The following GOLGA4 variants were observed in gnomAD, a reference collection of about 807,000 sequenced individuals.
GOLGA4 encodes golgin A4, also known as golgin subfamily A member 4.
A neutral mutation model predicts 265.9 loss-of-function variants in GOLGA4; 169 were observed. That is an observed-to-expected ratio of 0.64 (90% CI 0.56 to 0.72). The LOEUF is 0.72. Among genes scored for constraint, GOLGA4 ranks in the 30% least tolerant of loss-of-function variants. The pLI, the probability that GOLGA4 is intolerant of heterozygous loss-of-function variation, is 0.00. For missense variants in GOLGA4, 2,482 were observed against 2,483.4 expected (o/e 1.00, Z 0.01); for synonymous variants, 923 against 855.8 (o/e 1.08, Z -1.37).
intron 1 of GOLGA4, among the ~76,000 whole-genome samples, chr3:37,251,006 A>C (rs1215975598): frequency 6.6e-6 from 1 of 152,028 alleles, no homozygotes; most frequent in Non-Finnish European, 1.5e-5. Context: ...ATGAACTTCT[A>C]ATTTTGGAAT....
At chr3:37,310,875 C>T (rs904894592) in intron 10 of GOLGA4, among the ~76,000 whole-genome samples, 2 of 152,116 alleles carry the variant, frequency 1.3e-5, no homozygotes, top group Non-Finnish European at 2.9e-5. Context: ...TTCCCATGCA[C>T]TCTTGCATGT....
chr3:37,263,089 G>A (rs2096774335), intron 2 of GOLGA4, among the ~76,000 whole-genome samples: 2 of 152,268 alleles, frequency 1.3e-5, no homozygotes, highest in African/African-American at 4.8e-5. Flanking sequence ...ATAGAGTTGT[G>A]TCATTTTTTC....
At chr3:37,291,531 A>G (rs1578533774) in intron 5 of GOLGA4, among the ~76,000 whole-genome samples, 2 of 152,326 alleles carry the variant, frequency 1.3e-5, no homozygotes. Flanking sequence ...CCCCAGCCTT[A>G]CTCATCTACT....
At chr3:37,288,086 CTTT>C (rs1365754948) in intron 4 of GOLGA4, among the ~76,000 whole-genome samples, 1 of 148,052 alleles carries the variant, frequency 6.8e-6, no homozygotes, top group Non-Finnish European at 1.5e-5. Context: ...CAATATTACT[CTTT>C]TATTAGCTTC....
intron 10 of GOLGA4, among the ~76,000 whole-genome samples, chr3:37,313,057 G>T (rs950455120): frequency 2.0e-5 from 3 of 152,024 alleles, no homozygotes; most frequent in African/African-American, 7.2e-5. Flanking sequence ...ACAGAAATTA[G>T]CCCGGTCTGG....
chr3:37,284,427 C>T (rs1424655501), intron 3 of GOLGA4, among the ~76,000 whole-genome samples: 1 of 151,914 alleles, frequency 6.6e-6, no homozygotes, highest in Non-Finnish European at 1.5e-5. Context: ...CTAATGTTTG[C>T]GTTTTTAGTA....
At chr3:37,355,473 G>T (rs1384329807) in intron 22 of GOLGA4, among the ~76,000 whole-genome samples, 1 of 152,016 alleles carries the variant, frequency 6.6e-6, no homozygotes, top group African/African-American at 2.4e-5. Context: ...TTTATGGAAA[G>T]GATGGAAAAG....
intron 2 of GOLGA4, chr3:37,273,687 C>A: frequency 2.7e-6 from 2 of 736,978 alleles, no homozygotes; most frequent in Non-Finnish European, 4.8e-6. Flanking sequence ...TCTGACTTTA[C>A]ATTGAAATGG....
intron 2 of GOLGA4, among the ~76,000 whole-genome samples, chr3:37,274,308 G>A (rs12630275): frequency 1.3e-5 from 2 of 151,958 alleles, no homozygotes; most frequent in Non-Finnish European, 2.9e-5. Context: ...CTAGAGTTTA[G>A]GTTGTCCTTG....
At chr3:37,321,563 T>C (rs779928313) in intron 12 of GOLGA4, 168 bp from the exon 13 acceptor site, 1 of 593,524 alleles carries the variant, frequency 1.7e-6, no homozygotes, top group Non-Finnish European at 2.9e-6. Context: ...GGAAAAGCCA[T>C]AGTGCCTTGT....
chr3:37,276,436 T>C (rs1035466319), intron 2 of GOLGA4: 8 of 1,609,716 alleles, frequency 5.0e-6, no homozygotes, highest in African/African-American at 1.3e-5. Flanking sequence ...TCAGAGAGCA[T>C]CAGATGGCCA....
chr3:37,275,932 A>T, intron 2 of GOLGA4: 4 of 1,613,738 alleles, frequency 2.5e-6, no homozygotes, highest in Non-Finnish European at 3.4e-6. Context: ...TAGATGGGCC[A>T]TCAACTGAGA....
Position 37,366,738 on chromosome 3 carries a change from T to G in GOLGA4, c.*692T>G, listed in dbSNP as rs1696771610. 1 of 152,576 alleles carries G rather than the reference T, an allele frequency of 6.6e-6. No homozygotes were observed. The highest frequency in any genetic ancestry group is 2.4e-5 in the African/African-American group (1 of 41,466). The allele number at this position is 152,576 out of a possible 1,614,324, so 9.5% of individuals were successfully genotyped here. A position where few individuals can be genotyped will look rare whatever the true frequency, so the allele number is the denominator to read the frequency against. ...CTGAGAAACAGATAAATAAAGTTTA[T>G]TTACTATATAACATTTGTTTATTGT... On this transcript the variant is annotated 3_prime_UTR_variant, in exon 24 of 24. Transcript: ENST00000361924.
intron 4 of GOLGA4, among the ~76,000 whole-genome samples, chr3:37,287,847 G>T (rs1485914700): frequency 2.0e-5 from 3 of 152,074 alleles, no homozygotes; most frequent in Admixed American, 2.0e-4. Context: ...ATACTCCCTT[G>T]GTCATAGGTA....
chr3:37,359,797 G>A (rs1200564648), intron 22 of GOLGA4, among the ~76,000 whole-genome samples: 1 of 152,080 alleles, frequency 6.6e-6, no homozygotes, highest in Non-Finnish European at 1.5e-5. Context: ...ATTCCCACAC[G>A]AGGTTTACCC....
chr3:37,282,551 G>A (rs1242292722), intron 3 of GOLGA4, among the ~76,000 whole-genome samples: 1 of 152,132 alleles, frequency 6.6e-6, no homozygotes, highest in Non-Finnish European at 1.5e-5. Flanking sequence ...TCCTTTCGTA[G>A]TCCCTCTGTT....
rs768104947 is a variant in GOLGA4 at position 37,337,749 on chromosome 3, G to A, written c.6396+15G>A. 6.6e-7 allele frequency: 1 copy of A among 1,513,314 alleles called. No individual in the cohort carries two copies. The highest frequency in any genetic ancestry group is 2.3e-5 in the East Asian group (1 of 44,392). The allele number at this position is 1,513,314 out of a possible 1,614,324, so 93.7% of individuals were successfully genotyped here. A position where few individuals can be genotyped will look rare whatever the true frequency, so the allele number is the denominator to read the frequency against. The stretch of plus-strand genomic sequence containing the variant: ...TCAGAGAACAGGTACAGGCCTAATT[G>A]GTACCTTTTATTTTGAACTAAAGTT... On this transcript the variant is annotated intron_variant, in intron 19 of 23. Coordinates refer to ENST00000361924, the MANE Select transcript of GOLGA4 (RefSeq NM_002078.5).
intron 21 of GOLGA4, among the ~76,000 whole-genome samples, chr3:37,352,860 A>G (rs556005755): frequency 6.6e-6 from 1 of 152,218 alleles, no homozygotes; most frequent in South Asian, 2.1e-4. Context: ...CAACTTGGCT[A>G]ACTGGCATAC....
intron 7 of GOLGA4, 33 bp from the exon 8 acceptor site, chr3:37,298,800 T>C (rs754401430): frequency 6.7e-7 from 1 of 1,483,356 alleles, no homozygotes; most frequent in East Asian, 2.3e-5. Flanking sequence ...TATTCCTTAC[T>C]GATGGGCCCT....
Sources: allele counts gnomAD v4.1 joint callset (sites outside exome capture counted in the v4.1 genomes callset), GRCh38; gene constraint gnomAD v4.1.1; transcripts MANE v1.5; gene names NCBI Gene and HGNC (gene_info 2026-07-23, HGNC 2026-07-21).